The following TEX53 variants were observed in gnomAD, a reference collection of about 807,000 sequenced individuals.
TEX53 encodes testis expressed 53, also known as testis-expressed protein 53.
intron 1 of TEX53, 62 bp downstream of exon 1, chr9:114,657,604 C>T (rs577844837): frequency 2.4e-4 from 95 of 398,506 alleles, no homozygotes; most frequent in African/African-American, 1.9e-3. Context: ...CCGGGGAGGC[C>T]GAGGCGCAGA....
rs1827728726 is a variant in TEX53 at position 114,657,703 on chromosome 9, A to G, written c.72T>C (p.Asn24=). The change falls in exon 1 of 2, where the codon AAT becomes AAC. Residue 24 remains asparagine, a synonymous_variant. Coordinates refer to ENST00000423632, the MANE Select transcript of TEX53 (RefSeq NM_001354645.2). Reference sequence around the variant, plus strand: ...GATGATGCTGTTCGAACATTCTTGGATTGTGGAAGCCAACAGTGGTGGAAG... The same window carrying G: ...GATGATGCTGTTCGAACATTCTTGGGTTGTGGAAGCCAACAGTGGTGGAAG... ...EGSSTTVGFH[N]PRMFEQHHPR... is the part of the protein sequence containing the mutation. The G allele has an allele frequency of 1.8e-5, 7 of 398,534 alleles. No homozygotes were observed. The allele number at this position is 398,534 out of a possible 1,614,324, so 24.7% of individuals were successfully genotyped here.
rs916078136 is a variant in TEX53, at chr9:114,656,518, G to C, written c.*11C>G. On this transcript the variant is annotated 3_prime_UTR_variant, in exon 2 of 2. Coordinates refer to ENST00000423632, the MANE Select transcript of TEX53 (RefSeq NM_001354645.2). Reference sequence around the variant, plus strand: ...CCGCAGGGACCACGTGGGTGCCGCCGGCTAGAATGCTCATGGCCTCCTAAG... The same window carrying C: ...CCGCAGGGACCACGTGGGTGCCGCCCGCTAGAATGCTCATGGCCTCCTAAG... 2.5e-6 allele frequency: 1 copy of C among 398,466 alleles called. No homozygotes were observed. Among genetic ancestry groups the C allele is most frequent in the Non-Finnish European group, 4.4e-6 (1 of 226,082 alleles). The allele number at this position is 398,466 out of a possible 1,614,324, so 24.7% of individuals were successfully genotyped here.
intron 1 of TEX53, 26 bp from the exon 2 acceptor site, chr9:114,656,658 T>C (rs989142142): frequency 2.5e-6 from 1 of 398,374 alleles, no homozygotes; most frequent in Non-Finnish European, 4.4e-6. Flanking sequence ...AATAAACTTA[T>C]CCTGGGTAAA....
intron 1 of TEX53, among the ~76,000 whole-genome samples, 180 bp from the exon 2 acceptor site, chr9:114,656,812 T>G (rs1286099234): frequency 2.0e-5 from 3 of 152,060 alleles, no homozygotes; most frequent in Non-Finnish European, 4.4e-5. Flanking sequence ...GATTTTAGAG[T>G]TTACTCATTA....
Position 114,656,331 on chromosome 9 carries a change from G to A in TEX53, c.*198C>T. 5.2e-6 allele frequency: 2 copies of A among 382,672 alleles called. No individual in the cohort carries two copies. Among genetic ancestry groups the A allele is most frequent in the Non-Finnish European group, 9.2e-6 (2 of 216,836 alleles). 23.7% of individuals were successfully genotyped at this position (382,672 alleles called of 1,614,324 possible). On this transcript the variant is annotated 3_prime_UTR_variant, in exon 2 of 2. Transcript: ENST00000423632. The stretch of plus-strand genomic sequence containing the variant: ...ATGTGACCAAGGACTTTAATTGGAG[G>A]CGGCTCCCCCCCACGGTGGCTTTTT...
At chr9:114,656,781 C>T (rs191575183) in intron 1 of TEX53, 149 bp from the exon 2 acceptor site, 110 of 393,276 alleles carry the variant, frequency 2.8e-4, no homozygotes, top group Non-Finnish European at 4.2e-4. Flanking sequence ...AGAATGATCT[C>T]GAGCTGGGTG....
Position 114,656,643 on chromosome 9 carries a change from A to G in TEX53, c.110-11T>C, listed in dbSNP as rs1827709777. ...AATTTGTGTTCAGATCTGAAAGAAC[A>G]GAGGAATAAACTTATCCTGGGTAAA... On this transcript the variant is annotated splice_polypyrimidine_tract_variant and intron_variant, in intron 1 of 1. Coordinates refer to ENST00000423632, the MANE Select transcript of TEX53 (RefSeq NM_001354645.2). 5.0e-6 allele frequency: 2 copies of G among 398,478 alleles called. No homozygotes were observed. Among genetic ancestry groups the G allele is most frequent in the South Asian group, 1.3e-4 (1 of 7,864 alleles). The allele number at this position is 398,478 out of a possible 1,614,324, so 24.7% of individuals were successfully genotyped here. A position where few individuals can be genotyped will look rare whatever the true frequency, so the allele number is the denominator to read the frequency against.
intron 1 of TEX53, among the ~76,000 whole-genome samples, chr9:114,657,203 C>T (rs1205848948): frequency 6.6e-6 from 1 of 152,048 alleles, no homozygotes; most frequent in Non-Finnish European, 1.5e-5. Flanking sequence ...TGTGTGGGGC[C>T]ATATGCATTC....
intron 1 of TEX53, 67 bp from the exon 2 acceptor site, chr9:114,656,699 TG>T: frequency 2.5e-6 from 1 of 397,786 alleles, no homozygotes; most frequent in Non-Finnish European, 4.4e-6. Flanking sequence ...TAACCTATCT[TG>T]GCCATACTCC....
rs886765158 is a variant in TEX53, at chr9:114,656,361, A to T, written c.*168T>A. 7.7e-6 allele frequency: 3 copies of T among 389,372 alleles called. No individual in the cohort carries two copies. The highest frequency in any genetic ancestry group is 1.4e-5 in the Non-Finnish European group (3 of 221,150). The allele number at this position is 389,372 out of a possible 1,614,324, so 24.1% of individuals were successfully genotyped here. A position where few individuals can be genotyped will look rare whatever the true frequency, so the allele number is the denominator to read the frequency against. Reference sequence around the variant, plus strand: ...TCCCCCCCACGGTGGCTTTTTCAGAAGCTGGAGTGACTCTTGGTGGTGGCA... The same window carrying T: ...TCCCCCCCACGGTGGCTTTTTCAGATGCTGGAGTGACTCTTGGTGGTGGCA... On this transcript the variant is annotated 3_prime_UTR_variant, in exon 2 of 2. Coordinates refer to ENST00000423632, the MANE Select transcript of TEX53 (RefSeq NM_001354645.2).
intron 1 of TEX53, 115 bp downstream of exon 1, chr9:114,657,551 C>A: frequency 2.5e-6 from 1 of 397,196 alleles, no homozygotes. Context: ...TCCACACTCC[C>A]AGAAGGCTGA....
At chr9:114,657,172 G>A (rs1184996648) in intron 1 of TEX53, among the ~76,000 whole-genome samples, 1 of 152,046 alleles carries the variant, frequency 6.6e-6, no homozygotes, top group Non-Finnish European at 1.5e-5. Flanking sequence ...CACCGTGCCC[G>A]GCCTTGTTGA....
Position 114,657,736 on chromosome 9 carries a change from G to A in TEX53, c.39C>T (p.Ser13=), listed in dbSNP as rs1361001150. The change falls in exon 1 of 2, where the codon AGC becomes AGT. Residue 13 remains serine, a synonymous_variant. Transcript: ENST00000423632. ...SKIFCCCRKT[S]EGSSTTVGFH... is the part of the protein sequence containing the mutation. ...AGCCAACAGTGGTGGAAGACCCCTCGCTGGTCTTGCGGCAACAACAGAAGA... is the reference window on the plus strand; with the variant it reads ...AGCCAACAGTGGTGGAAGACCCCTCACTGGTCTTGCGGCAACAACAGAAGA... The A allele has an allele frequency of 1.0e-5, 4 of 398,564 alleles. No individual in the cohort carries two copies. Among genetic ancestry groups the A allele is most frequent in the African/African-American group, 8.2e-5 (4 of 48,632 alleles). The allele number at this position is 398,564 out of a possible 1,614,324, so 24.7% of individuals were successfully genotyped here.
At chr9:114,656,950 C>T (rs1827712553) in intron 1 of TEX53, among the ~76,000 whole-genome samples, 1 of 152,126 alleles carries the variant, frequency 6.6e-6, no homozygotes, top group African/African-American at 2.4e-5. Flanking sequence ...GATCTCGGCT[C>T]ACTGCAAGCT....
intron 1 of TEX53, among the ~76,000 whole-genome samples, chr9:114,657,069 G>A (rs555762674): frequency 3.3e-5 from 5 of 152,204 alleles, no homozygotes; most frequent in African/African-American, 1.2e-4. Flanking sequence ...GTAGAGACGG[G>A]GTTTCACCGT....
chr9:114,656,599 G>A lies in TEX53; in HGVS notation c.143C>T (p.Pro48Leu). The A allele has an allele frequency of 5.0e-6, 2 of 398,560 alleles. No homozygotes were observed. The highest frequency in any genetic ancestry group is 8.8e-6 in the Non-Finnish European group (2 of 226,068). The allele number at this position is 398,560 out of a possible 1,614,324, so 24.7% of individuals were successfully genotyped here. The change falls in exon 2 of 2, where the codon CCA becomes CTA. Residue 48 changes from proline (P) to leucine (L), a missense_variant. By Grantham distance (98) the Pro-to-Leu change is moderately conservative (BLOSUM62 -3). Transcript: ENST00000423632. ...LNTNSLHSAV[P>L]KRHPRLPYDN... ...ATAGGGGAGGCGTGGATGTCTTTTTGGTACAGCACTGTGGAGAGAATTTGT... is the reference window on the plus strand; with the variant it reads ...ATAGGGGAGGCGTGGATGTCTTTTTAGTACAGCACTGTGGAGAGAATTTGT...
At chr9:114,657,123 G>T (rs1042325404) in intron 1 of TEX53, among the ~76,000 whole-genome samples, 1 of 152,132 alleles carries the variant, frequency 6.6e-6, no homozygotes, top group Non-Finnish European at 1.5e-5. Flanking sequence ...TGATCTGCCC[G>T]CCTCAGTCTC....
At chr9:114,657,275 G>A (rs771430149) in intron 1 of TEX53, among the ~76,000 whole-genome samples, 4 of 152,134 alleles carry the variant, frequency 2.6e-5, no homozygotes, top group East Asian at 1.9e-4. Flanking sequence ...ATATATTATC[G>A]TTATCCTCAT....
chr9:114,657,014 C>G (rs1827713065), intron 1 of TEX53, among the ~76,000 whole-genome samples: 1 of 152,218 alleles, frequency 6.6e-6, no homozygotes, highest in Non-Finnish European at 1.5e-5. Context: ...GTAGCTGGGA[C>G]TACAGGCGCC....
Sources: allele counts gnomAD v4.1 joint callset (sites outside exome capture counted in the v4.1 genomes callset), GRCh38; gene constraint gnomAD v4.1.1; transcripts MANE v1.5; gene names NCBI Gene and HGNC (gene_info 2026-07-23, HGNC 2026-07-21).